The following HS6ST3 variants were observed in gnomAD, a reference collection of about 807,000 sequenced individuals.
HS6ST3 encodes the protein heparan sulfate 6-O-sulfotransferase 3, also known as heparan-sulfate 6-O-sulfotransferase 3.
In HS6ST3, 12 loss-of-function variants were observed where a neutral mutation model predicts 36.7. The ratio of observed to expected loss-of-function variants is 0.33; its 90% CI spans 0.21 to 0.53. The LOEUF (loss-of-function observed/expected upper bound fraction) is 0.53, where lower values mean the gene tolerates loss of function less well. Ranked by LOEUF, HS6ST3 falls within the 20% of genes least tolerant of loss-of-function variation. HS6ST3 has a pLI of 0.95. For synonymous variants in HS6ST3, 240 were observed against 257.5 expected (o/e 0.93, Z 0.65); for missense variants, 584 against 640.9 (o/e 0.91, Z 0.96).
chr13:96,310,537 T>C (rs2054935185), intron 1 of HS6ST3, among the ~76,000 whole-genome samples: 1 of 152,146 alleles, frequency 6.6e-6, no homozygotes, highest in Non-Finnish European at 1.5e-5. Context: ...ATATTATCCA[T>C]ACAATTAGAA....
At chr13:96,323,490 C>G (rs2055014912) in intron 1 of HS6ST3, among the ~76,000 whole-genome samples, 2 of 152,188 alleles carry the variant, frequency 1.3e-5, no homozygotes, top group South Asian at 4.1e-4. Flanking sequence ...CCTTTGCTTT[C>G]TTGAACTTTA....
chr13:96,422,470 A>G (rs915594006), intron 1 of HS6ST3, among the ~76,000 whole-genome samples: 2 of 152,226 alleles, frequency 1.3e-5, no homozygotes, highest in African/African-American at 4.8e-5. Context: ...CATGGCACAT[A>G]TGTATCACAA....
At chr13:96,647,321 A>C (rs1277484761) in intron 1 of HS6ST3, among the ~76,000 whole-genome samples, 1 of 152,088 alleles carries the variant, frequency 6.6e-6, no homozygotes, top group Non-Finnish European at 1.5e-5. Context: ...AAGTGATATC[A>C]CATGTCTGGT....
At chr13:96,135,890 C>A (rs1032576910) in intron 1 of HS6ST3, among the ~76,000 whole-genome samples, 2 of 152,164 alleles carry the variant, frequency 1.3e-5, no homozygotes, top group African/African-American at 4.8e-5. Context: ...TGAGCACCTC[C>A]ACCCCCACCA....
At chr13:96,119,725 T>C (rs2053915872) in intron 1 of HS6ST3, among the ~76,000 whole-genome samples, 1 of 152,168 alleles carries the variant, frequency 6.6e-6, no homozygotes, top group African/African-American at 2.4e-5. Flanking sequence ...TATCTGAGTG[T>C]CCTTGGGCAG....
intron 1 of HS6ST3, among the ~76,000 whole-genome samples, chr13:96,304,386 A>C (rs927642170): frequency 1.3e-5 from 2 of 152,152 alleles, no homozygotes; most frequent in African/African-American, 2.4e-5. Context: ...TTGATTTAAA[A>C]TGCCTTTCTT....
intron 1 of HS6ST3, among the ~76,000 whole-genome samples, chr13:96,136,836 A>G (rs1374441589): frequency 6.6e-6 from 1 of 151,898 alleles, no homozygotes; most frequent in Non-Finnish European, 1.5e-5. Context: ...ACTTATTTTG[A>G]TAGAAGAAAT....
intron 1 of HS6ST3, among the ~76,000 whole-genome samples, chr13:96,683,770 T>G (rs1181735194): frequency 1.3e-5 from 2 of 152,082 alleles, no homozygotes; most frequent in Non-Finnish European, 2.9e-5. Context: ...AAATCCTTAG[T>G]CACATAGCAT....
At chr13:96,491,670 TTGA>T (rs2055946486) in intron 1 of HS6ST3, among the ~76,000 whole-genome samples, 1 of 152,074 alleles carries the variant, frequency 6.6e-6, no homozygotes, top group Non-Finnish European at 1.5e-5. Flanking sequence ...GCCAGTTCTG[TTGA>T]TAAGTTATAC....
chr13:96,668,209 G>A (rs1428158411), intron 1 of HS6ST3, among the ~76,000 whole-genome samples: 11 of 151,922 alleles, frequency 7.2e-5, no homozygotes, highest in Admixed American at 1.3e-4. Flanking sequence ...CACAGCTGGT[G>A]AAGAGTGAAG....
chr13:96,740,224 C>G (rs753456460), intron 1 of HS6ST3, among the ~76,000 whole-genome samples: 1 of 152,150 alleles, frequency 6.6e-6, no homozygotes, highest in East Asian at 1.9e-4. Flanking sequence ...TCTCATATGC[C>G]CCGAATTCAA....
chr13:96,251,959 G>A (rs962486729), intron 1 of HS6ST3, among the ~76,000 whole-genome samples: 7 of 152,050 alleles, frequency 4.6e-5, no homozygotes, highest in East Asian at 3.9e-4. Context: ...GTTAAGACTG[G>A]TTTTTAGTAT....
intron 1 of HS6ST3, among the ~76,000 whole-genome samples, chr13:96,152,322 T>TC (rs1182904449): frequency 1.3e-5 from 1 of 76,710 alleles, no homozygotes; most frequent in Non-Finnish European, 2.9e-5. Context: ...TTTCCTTTTT[T>TC]TTTTTTTTTT....
chr13:96,545,188 G>A (rs1381263081), intron 1 of HS6ST3, among the ~76,000 whole-genome samples: 1 of 152,074 alleles, frequency 6.6e-6, no homozygotes, highest in African/African-American at 2.4e-5. Flanking sequence ...TATCTTTTGA[G>A]TCAGTGTTTG....
At chr13:96,125,825 A>G (rs1225336254) in intron 1 of HS6ST3, among the ~76,000 whole-genome samples, 1 of 151,490 alleles carries the variant, frequency 6.6e-6, no homozygotes, top group Non-Finnish European at 1.5e-5. Flanking sequence ...ACATGTGCAC[A>G]ATGTGCAGGT....
intron 1 of HS6ST3, among the ~76,000 whole-genome samples, chr13:96,690,292 A>G (rs1035590829): frequency 2.6e-5 from 4 of 152,104 alleles, no homozygotes; most frequent in Non-Finnish European, 4.4e-5. Flanking sequence ...TGGTTTGATT[A>G]CTCAGGTTAT....
chr13:96,659,816 A>G (rs2056639985), intron 1 of HS6ST3, among the ~76,000 whole-genome samples: 1 of 152,088 alleles, frequency 6.6e-6, no homozygotes, highest in African/African-American at 2.4e-5. Flanking sequence ...ATGTGTGTAC[A>G]TCTATTTCTG....
chr13:96,405,306 A>C (rs777891507), intron 1 of HS6ST3, among the ~76,000 whole-genome samples: 2 of 152,144 alleles, frequency 1.3e-5, no homozygotes, highest in Non-Finnish European at 2.9e-5. Context: ...AGACATGTAA[A>C]TTTTTCATTT....
chr13:96,311,650 T>C (rs556469879), intron 1 of HS6ST3, among the ~76,000 whole-genome samples: 51 of 152,202 alleles, frequency 3.4e-4, no homozygotes, highest in Non-Finnish European at 5.6e-4. Context: ...CTCTTTCTCT[T>C]CTACACATAT....
Sources: gnomAD v4.1 joint callset for allele counts (sites outside exome capture counted in the v4.1 genomes callset) on GRCh38, gnomAD v4.1.1 for gene constraint, MANE v1.5 for transcripts, NCBI Gene and HGNC (gene_info 2026-07-23, HGNC 2026-07-21) for gene names.